Variants in MAP2K6 observed in about 807,000 individuals in gnomAD.
The protein encoded by MAP2K6 is dual specificity mitogen-activated protein kinase kinase 6.
Under a neutral mutation model 53.7 loss-of-function variants are expected in MAP2K6, and 16 were observed. The observed-to-expected ratio is 0.30, with a 90% confidence interval of 0.20 to 0.45. The LOEUF (loss-of-function observed/expected upper bound fraction) is 0.45. MAP2K6 is among the 20% of genes least tolerant of loss of function. The pLI is 1.00. For synonymous variants in MAP2K6, 132 were observed against 143.1 expected (o/e 0.92, Z 0.55); for missense variants, 204 against 411.9 (o/e 0.50, Z 4.37).
intron 11 of MAP2K6, among the ~76,000 whole-genome samples, chr17:69,537,218 A>C (rs990099971): frequency 3.3e-5 from 5 of 152,242 alleles, no homozygotes; most frequent in African/African-American, 1.2e-4. Context: ...GTATATGTTG[A>C]ATGTAGGAGA....
intron 1 of MAP2K6, among the ~76,000 whole-genome samples, chr17:69,443,345 G>A (rs748610075): frequency 2.0e-5 from 3 of 152,132 alleles, no homozygotes; most frequent in Non-Finnish European, 4.4e-5. Flanking sequence ...AGTGTAAGGC[G>A]CCATGGAGGC....
intron 1 of MAP2K6, among the ~76,000 whole-genome samples, chr17:69,438,519 G>A (rs1015531310): frequency 1.6e-4 from 24 of 152,124 alleles, no homozygotes; most frequent in African/African-American, 5.6e-4. Flanking sequence ...TCACTATATG[G>A]TAGGAGCTGG....
At chr17:69,429,283 GAA>G (rs35219021) in intron 1 of MAP2K6, among the ~76,000 whole-genome samples, 1,614 of 135,820 alleles carry the variant, frequency 0.012, 23 homozygotes, top group African/African-American at 0.035. Flanking sequence ...TACAAAAAGT[GAA>G]AAAAAAAAAA....
intron 1 of MAP2K6, among the ~76,000 whole-genome samples, chr17:69,459,174 A>T (rs1272107717): frequency 6.6e-6 from 1 of 152,134 alleles, no homozygotes; most frequent in Admixed American, 6.5e-5. Context: ...ATTTTTTTTA[A>T]ACATTAAGCT....
At chr17:69,443,444 G>A (rs974744810) in intron 1 of MAP2K6, among the ~76,000 whole-genome samples, 1 of 152,144 alleles carries the variant, frequency 6.6e-6, no homozygotes, top group Non-Finnish European at 1.5e-5. Context: ...CCCTCTCTAC[G>A]TCATATAAAA....
At chr17:69,460,089 C>T (rs1424414638) in intron 1 of MAP2K6, among the ~76,000 whole-genome samples, 1 of 150,688 alleles carries the variant, frequency 6.6e-6, no homozygotes, top group Non-Finnish European at 1.5e-5. Context: ...TCATCAGACA[C>T]ATCCCAGATA....
At chr17:69,496,679 ATTC>A (rs1444803505) in intron 1 of MAP2K6, among the ~76,000 whole-genome samples, 3 of 151,774 alleles carry the variant, frequency 2.0e-5, no homozygotes, top group Non-Finnish European at 4.4e-5. Context: ...ACCTTCTTTC[ATTC>A]TTCTTGTTTC....
At chr17:69,518,198 T>A (rs373461280) in intron 4 of MAP2K6, among the ~76,000 whole-genome samples, 6 of 149,576 alleles carry the variant, frequency 4.0e-5, no homozygotes, top group South Asian at 2.1e-4. Flanking sequence ...TCAAATAATA[T>A]TAATAATAAT....
At chr17:69,486,783 C>G (rs550735862) in intron 1 of MAP2K6, among the ~76,000 whole-genome samples, 11 of 152,286 alleles carry the variant, frequency 7.2e-5, no homozygotes, top group African/African-American at 2.6e-4. Flanking sequence ...AAGGGGCATT[C>G]GTTTGTAAAC....
At chr17:69,479,798 A>G (rs1222740578) in intron 1 of MAP2K6, among the ~76,000 whole-genome samples, 5 of 147,384 alleles carry the variant, frequency 3.4e-5, no homozygotes, top group African/African-American at 1.0e-4. Context: ...GCTCACTGCA[A>G]CCTCTCCTGG....
At chr17:69,472,612 G>C (rs1447566752) in intron 1 of MAP2K6, among the ~76,000 whole-genome samples, 1 of 152,222 alleles carries the variant, frequency 6.6e-6, no homozygotes, top group South Asian at 2.1e-4. Context: ...TCCTGTCCAG[G>C]TTGGGTCCCA....
At chr17:69,487,003 G>C (rs1228987277) in intron 1 of MAP2K6, among the ~76,000 whole-genome samples, 2 of 152,168 alleles carry the variant, frequency 1.3e-5, no homozygotes, top group African/African-American at 4.8e-5. Context: ...TTTTGATTGA[G>C]TCTAGATCTC....
intron 1 of MAP2K6, among the ~76,000 whole-genome samples, chr17:69,480,060 A>G (rs756666998): frequency 1.3e-5 from 2 of 152,186 alleles, no homozygotes; most frequent in African/African-American, 2.4e-5. Context: ...TGGAGAATTA[A>G]TCTGATATTC....
At chr17:69,487,475 C>A (rs1261572287) in intron 1 of MAP2K6, among the ~76,000 whole-genome samples, 1 of 152,164 alleles carries the variant, frequency 6.6e-6, no homozygotes, top group African/African-American at 2.4e-5. Context: ...TAAGAAGGTA[C>A]CTGCCAGAAA....
chr17:69,445,243 G>A (rs1020410986), intron 1 of MAP2K6, among the ~76,000 whole-genome samples: 2 of 152,196 alleles, frequency 1.3e-5, no homozygotes, highest in African/African-American at 4.8e-5. Context: ...TCATCAGAAA[G>A]AAATTTTACC....
chr17:69,462,492 G>A (rs1411812151), intron 1 of MAP2K6, among the ~76,000 whole-genome samples: 2 of 152,050 alleles, frequency 1.3e-5, no homozygotes, highest in African/African-American at 4.8e-5. Flanking sequence ...GGAGCTTTAG[G>A]TTCAAGTCCC....
rs1911793663 is a variant in MAP2K6, at chr17:69,544,407, C to A, written c.*2654C>A. The A allele has an allele frequency of 3.3e-5, 5 of 152,150 alleles. No homozygotes were observed. Among genetic ancestry groups the A allele is most frequent in the Admixed American group, 3.3e-4 (5 of 15,276 alleles). The allele number at this position is 152,150 out of a possible 1,614,324, so 9.4% of individuals were successfully genotyped here. A position where few individuals can be genotyped will look rare whatever the true frequency, so the allele number is the denominator to read the frequency against. Reference sequence around the variant, plus strand: ...AACTGTGTTGTAAGTGCCAATCAACCAACTTTTGAAAAAATCAAGATACCT... The same window carrying A: ...AACTGTGTTGTAAGTGCCAATCAACAAACTTTTGAAAAAATCAAGATACCT... On this transcript the variant is annotated 3_prime_UTR_variant, in exon 12 of 12. Transcript: ENST00000590474.
chr17:69,456,826 C>A (rs1210599016), intron 1 of MAP2K6, among the ~76,000 whole-genome samples: 1 of 152,154 alleles, frequency 6.6e-6, no homozygotes, highest in East Asian at 1.9e-4. Flanking sequence ...CTCTACAAAT[C>A]CCTGCCCTGC....
chr17:69,416,578 A>T (rs1905908326), intron 1 of MAP2K6, among the ~76,000 whole-genome samples: 1 of 152,202 alleles, frequency 6.6e-6, no homozygotes, highest in Non-Finnish European at 1.5e-5. Flanking sequence ...GCATGTATAT[A>T]CATATGTATG....
Sources: allele counts gnomAD v4.1 joint callset (sites outside exome capture counted in the v4.1 genomes callset), GRCh38; gene constraint gnomAD v4.1.1; transcripts MANE v1.5; gene names NCBI Gene and HGNC (gene_info 2026-07-23, HGNC 2026-07-21).